Variants in ESPN observed in about 807,000 individuals in gnomAD.
The protein encoded by ESPN is espin, also known as autosomal recessive deafness type 36 protein.
A neutral mutation model predicts 77.7 loss-of-function variants in ESPN; 68 were observed. The ratio of observed to expected loss-of-function variants is 0.87; its 90% CI spans 0.72 to 1.07. ESPN has a LOEUF of 1.07. Ranked by LOEUF, ESPN falls within the 50% of genes least tolerant of loss-of-function variation. The probability of loss-of-function intolerance (pLI) is 0.00; values close to 1 mark genes in which losing one functional copy is unlikely to be tolerated. For missense variants in ESPN, 1,060 were observed against 1,239.0 expected (o/e 0.86, Z 2.17); for synonymous variants, 449 against 567.1 (o/e 0.79, Z 2.96).
At position 6,460,898 on chromosome 1, in the gene ESPN, C is replaced by T. The variant is rs1238186846; in HGVS notation, c.*752C>T. ...CCCCATCCCGACCCTGTCTCCGCCA[C>T]CTCGCAGCCCCATTAAAGCGCTCTC... On this transcript the variant is annotated 3_prime_UTR_variant, in exon 13 of 13. Transcript: ENST00000645284. The T allele has an allele frequency of 2.9e-6, 1 of 340,074 alleles. No individual in the cohort carries two copies. Among genetic ancestry groups the T allele is most frequent in the East Asian group, 8.8e-5 (1 of 11,384 alleles). The allele number at this position is 340,074 out of a possible 1,614,324, so 21.1% of individuals were successfully genotyped here.
intron 12 of ESPN, 53 bp from the exon 13 acceptor site, chr1:6,459,946 T>C: frequency 6.2e-7 from 1 of 1,610,084 alleles, no homozygotes; most frequent in Admixed American, 1.7e-5. Flanking sequence ...TCTGCCAGCC[T>C]GGGTATCTGG....
chr1:6,451,518 G>A lies in ESPN; in HGVS notation c.1916-85G>A. On this transcript the variant is annotated intron_variant, in intron 8 of 12. Coordinates refer to ENST00000645284, the MANE Select transcript of ESPN (RefSeq NM_031475.3). This position sits in a 1 kb window ranked among gnomAD's most constrained non-coding sequence, Gnocchi z 4.3. ...TGGGCACCCATCCAATCTTGGCTTA[G>A]GAAAGGGGCTGCAGAGGGGCGGGTG... The A allele has an allele frequency of 6.4e-7, 1 of 1,552,200 alleles. No homozygotes were observed. The highest frequency in any genetic ancestry group is 8.7e-7 in the Non-Finnish European group (1 of 1,143,372).
intron 10 of ESPN, chr1:6,455,269 G>C (rs1050903986): frequency 1.5e-5 from 6 of 389,100 alleles, no homozygotes; most frequent in African/African-American, 1.2e-4. Flanking sequence ...CTCGACCTGC[G>C]CAAGGAGCGC....
Position 6,440,586 on chromosome 1 carries a change from G to A in ESPN, c.676-40G>A, listed in dbSNP as rs745320289. On this transcript the variant is annotated intron_variant, in intron 3 of 12. Coordinates refer to ENST00000645284, the MANE Select transcript of ESPN (RefSeq NM_031475.3). ...GGGGGCGGGCCTACAGGGGCCTGGC[G>A]CCCAGCCCCCGCCCCCCTCTCCCCG... 159 of 1,062,994 alleles carry A rather than the reference G, an allele frequency of 1.5e-4. 1 individual carries two copies. The Middle Eastern group carries it at 1.6e-3, about 11-fold the overall frequency. The allele number at this position is 1,062,994 out of a possible 1,614,324, so 65.8% of individuals were successfully genotyped here.
At chr1:6,444,924 CGT>C (rs1034714941) in intron 6 of ESPN, among the ~76,000 whole-genome samples, 1 of 152,188 alleles carries the variant, frequency 6.6e-6, no homozygotes, top group African/African-American at 2.4e-5. Flanking sequence ...ACAAAGTCCA[CGT>C]GTGTCGCCCA....
intron 10 of ESPN, chr1:6,455,939 A>C (rs1172721602): frequency 2.5e-6 from 1 of 398,672 alleles, no homozygotes; most frequent in Non-Finnish European, 4.4e-6. Context: ...AGCGGACCGA[A>C]GAGGCTGCTC....
In ESPN at chr1:6,447,664, G is replaced by A. The variant is rs1310891432; in HGVS notation, c.1465-977G>A. Among the ~76,000 whole-genome samples the A allele has an allele frequency of 1.3e-5, 2 of 152,198 alleles. No homozygotes were observed. The highest frequency in any genetic ancestry group is 4.8e-5 in the African/African-American group (2 of 41,436). ...CGCCTTACGGCCCCTGAAATCCGAG[G>A]CTTGAGCGCGGGTGTCGGTGTCGCT... On this transcript the variant is annotated intron_variant, in intron 7 of 12. Coordinates refer to ENST00000645284, the MANE Select transcript of ESPN (RefSeq NM_031475.3). The surrounding 1 kb of genome is among the most constrained non-coding windows in gnomAD (Gnocchi z 5.2).
chr1:6,440,597 G>GGCCCCCCCCCCCCC, intron 3 of ESPN, 29 bp from the exon 4 acceptor site: 1 of 704,622 alleles, frequency 1.4e-6, no homozygotes, highest in Non-Finnish European at 2.2e-6. Flanking sequence ...CCCAGCCCCC[G>GGCCCCCCCCCCCCC]CCCCCCTCTC....
intron 7 of ESPN, 87 bp downstream of exon 7, chr1:6,446,022 T>G: frequency 2.2e-5 from 31 of 1,383,448 alleles, no homozygotes; most frequent in Non-Finnish European, 3.0e-5. Flanking sequence ...GCCTCACTAG[T>G]GGGCATAGGG....
chr1:6,459,983 C>A lies in ESPN; in HGVS notation c.2418-16C>A. ...CCCAGACTTCACCGGGTCTGCCCCC[C>A]TCCCCACTGCCTCAGGAAAGAGGAG... is the stretch of plus-strand genomic sequence containing the variant. On this transcript the variant is annotated splice_polypyrimidine_tract_variant and intron_variant, in intron 12 of 12. Transcript: ENST00000645284. 3 of 1,613,280 alleles carry A rather than the reference C, an allele frequency of 1.9e-6. No homozygotes were observed. Among genetic ancestry groups the A allele is most frequent in the South Asian group, 1.1e-5 (1 of 91,070 alleles).
At chr1:6,458,814 C>A (rs569566677) in intron 12 of ESPN, among the ~76,000 whole-genome samples, 44 of 150,824 alleles carry the variant, frequency 2.9e-4, no homozygotes, top group African/African-American at 1.0e-3. Flanking sequence ...GCCTGTAATC[C>A]CAGCTACTCG....
chr1:6,436,829 C>A (rs4908894), intron 2 of ESPN, among the ~76,000 whole-genome samples: 40,584 of 152,048 alleles, frequency 0.27, 6,689 homozygotes, highest in African/African-American at 0.47. Context: ...TCATCCATAT[C>A]TTTGTAATAC....
Position 6,448,629 on chromosome 1 carries a change from G to C in ESPN, c.1465-12G>C, listed in dbSNP as rs748183405. 47 of 1,556,588 alleles carry C rather than the reference G, an allele frequency of 3.0e-5. No individual in the cohort carries two copies. Among genetic ancestry groups the C allele is most frequent in the South Asian group, 2.5e-4 (21 of 85,278 alleles). On this transcript the variant is annotated splice_polypyrimidine_tract_variant and intron_variant, in intron 7 of 12. Coordinates refer to ENST00000645284, the MANE Select transcript of ESPN (RefSeq NM_031475.3). The stretch of plus-strand genomic sequence containing the variant: ...AGGTGCCCGAGCCCCACCGGTCACT[G>C]TCTTCCCGCAGCTGAGCTCCTGTGA...
In ESPN at chr1:6,449,672, C is replaced by T. The variant is rs542959234; in HGVS notation, c.1915+581C>T. 3.3e-5 allele frequency among the ~76,000 whole-genome samples: 5 copies of T among 152,358 alleles called. No homozygotes were observed. The East Asian group carries it at 9.7e-4, about 29-fold the overall frequency. ...GCCAGGGGCCCTGGGCCAGCCAAGG[C>T]GTGGCTATGGGGGCAAAGCTGTGAC... On this transcript the variant is annotated intron_variant, in intron 8 of 12. Coordinates refer to ENST00000645284, the MANE Select transcript of ESPN (RefSeq NM_031475.3).
chr1:6,451,617 A>C lies in ESPN; in HGVS notation c.1930A>C (p.Asn644His). The C allele has an allele frequency of 1.2e-6, 2 of 1,613,098 alleles. No individual in the cohort carries two copies. Among genetic ancestry groups the C allele is most frequent in the Non-Finnish European group, 1.7e-6 (2 of 1,179,886 alleles). Residue 644 changes from asparagine to histidine, a missense_variant, in exon 9 of 13, where the codon AAC (asparagine) becomes CAC (histidine). Asn to His is a moderately conservative substitution (Grantham distance 68). This residue lies in a region of ESPN where 374 missense variants were observed against 381.4 expected (regional missense o/e 0.98). Transcript: ENST00000645284. The surrounding 1 kb of genome is among the most constrained non-coding windows in gnomAD (Gnocchi z 4.3). ...CCTCCGCATAGGCACCAAGTCTTTC[A>C]ACATGATGTCCCCGACGGGCGACAA... The part of the protein sequence containing the change: ...SSSTGSTKSF[N>H]MMSPTGDNSE...
Position 6,460,167 on chromosome 1 carries a change from CA to C in ESPN, c.*22del, listed in dbSNP as rs778303174. The C allele has an allele frequency of 6.2e-7, 1 of 1,605,842 alleles. No homozygotes were observed. Among genetic ancestry groups the C allele is most frequent in the Non-Finnish European group, 8.5e-7 (1 of 1,175,632 alleles). Reference sequence around the variant, plus strand: ...ACTAGAGGCCGCAGACTCCTGTCCGCAGCCTCGCAGCTCCGTGGGGCCCTCC... The same window carrying C: ...ACTAGAGGCCGCAGACTCCTGTCCGCGCCTCGCAGCTCCGTGGGGCCCTCC... On this transcript the variant is annotated 3_prime_UTR_variant, in exon 13 of 13. Coordinates refer to ENST00000645284, the MANE Select transcript of ESPN (RefSeq NM_031475.3).
At chr1:6,459,733 G>C (rs921556330) in intron 12 of ESPN, among the ~76,000 whole-genome samples, 3 of 152,188 alleles carry the variant, frequency 2.0e-5, no homozygotes, top group South Asian at 4.2e-4. Context: ...GCCACACAGT[G>C]ACCCAGCACC....
intron 10 of ESPN, among the ~76,000 whole-genome samples, chr1:6,453,004 C>T (rs1423418668): frequency 3.3e-5 from 5 of 152,014 alleles, no homozygotes; most frequent in African/African-American, 1.2e-4. Flanking sequence ...GCGATTCTCC[C>T]GCCTCAGCCT....
rs150580178 is a variant in ESPN at position 6,444,529 on chromosome 1, G to A, written c.1039G>A (p.Ala347Thr). 24 of 1,614,114 alleles carry A rather than the reference G, an allele frequency of 1.5e-5. No homozygotes were observed. Among genetic ancestry groups the A allele is most frequent in the Middle Eastern group, 1.6e-4 (1 of 6,084 alleles). Residue 347 changes from alanine to threonine, a missense_variant, in exon 6 of 13, where the codon GCT becomes ACT. By Grantham distance (58) the Ala-to-Thr change is moderately conservative. This residue lies in a region of ESPN where 556 missense variants were observed against 633.6 expected (regional missense o/e 0.88). Coordinates refer to ENST00000645284, the MANE Select transcript of ESPN (RefSeq NM_031475.3). ...CCGGGATCCATCCGCAGAGCTGGAG[G>A]CTAAGCAGCCGGATTCAGGCATGTC... is the stretch of plus-strand genomic sequence containing the variant. ...LSRDPSAELEAKQPDSGMSSP... is the reference protein window; with the variant it reads ...LSRDPSAELETKQPDSGMSSP...
Sources: gnomAD v4.1 joint callset for allele counts (sites outside exome capture counted in the v4.1 genomes callset) on GRCh38, gnomAD v4.1.1 for gene constraint, gnomAD v4.1.1 regional missense constraint, Gnocchi (gnomAD v3.1) non-coding constraint, MANE v1.5 for transcripts, NCBI Gene and HGNC (gene_info 2026-07-23, HGNC 2026-07-21) for gene names.